MANBA: variants seen among roughly 807,000 people sequenced by gnomAD.
The protein encoded by MANBA is mannosidase beta.
Under a neutral mutation model 111.1 loss-of-function variants are expected in MANBA, and 83 were observed. That is an observed-to-expected ratio of 0.75 (90% CI 0.63 to 0.90). The LOEUF is 0.90. Ranked by LOEUF, MANBA falls within the 40% of genes least tolerant of loss-of-function variation. The pLI is 0.00. For synonymous variants in MANBA, 370 were observed against 378.7 expected (o/e 0.98, Z 0.27); for missense variants, 1,036 against 1,069.0 (o/e 0.97, Z 0.43).
In MANBA at chr4:102,639,871, A is replaced by G. The variant is rs761988168; in HGVS notation, c.1870-14T>C. 3 of 1,613,748 alleles carry G rather than the reference A, an allele frequency of 1.9e-6. No homozygotes were observed. Among genetic ancestry groups the G allele is most frequent in the Non-Finnish European group, 2.5e-6 (3 of 1,179,684 alleles). On this transcript the variant is annotated splice_polypyrimidine_tract_variant and intron_variant, in intron 13 of 16. Coordinates refer to ENST00000647097, the MANE Select transcript of MANBA (RefSeq NM_005908.4). ...GGCCTGCATCACCTGATTCAGGAAA[A>G]CATTCATACACAGGTGTTATTGTTT...
chr4:102,751,090 A>G (rs543669458), intron 1 of MANBA, among the ~76,000 whole-genome samples: 3 of 152,356 alleles, frequency 2.0e-5, no homozygotes, highest in African/African-American at 4.8e-5. Context: ...GTTTAACAAA[A>G]TTCACATAGA....
intron 12 of MANBA, among the ~76,000 whole-genome samples, chr4:102,656,626 A>G (rs1730568609): frequency 6.6e-6 from 1 of 152,228 alleles, no homozygotes. Context: ...AAACATGTAC[A>G]CAAATGTTCC....
chr4:102,717,411 G>A (rs1330628662), intron 4 of MANBA, among the ~76,000 whole-genome samples: 23 of 147,840 alleles, frequency 1.6e-4, no homozygotes, highest in African/African-American at 4.4e-4. Flanking sequence ...TATCCACTGT[G>A]AGCAGGCAGG....
At chr4:102,658,686 A>G (rs894322636) in intron 11 of MANBA, among the ~76,000 whole-genome samples, 22 of 152,212 alleles carry the variant, frequency 1.4e-4, no homozygotes, top group African/African-American at 4.8e-4. Flanking sequence ...ATATGGGGCC[A>G]TGTGCCTCAT....
intron 15 of MANBA, among the ~76,000 whole-genome samples, chr4:102,635,464 C>T (rs1729583903): frequency 6.6e-6 from 1 of 152,182 alleles, no homozygotes; most frequent in Non-Finnish European, 1.5e-5. Context: ...CATGCGCATT[C>T]TGAATAGTTT....
Position 102,729,702 on chromosome 4 carries a change from T to A in MANBA, c.178-3019A>T. 5 of 1,555,918 alleles carry A rather than the reference T, an allele frequency of 3.2e-6. No homozygotes were observed. In the South Asian group the frequency reaches 5.6e-5, roughly 17 times the overall value. Reference sequence around the variant, plus strand: ...AAGCTCCGCCTCCAGCTTCAGCTTCTCCTGGCCCAGAGTCTTCAGCTGCTG... The same window carrying A: ...AAGCTCCGCCTCCAGCTTCAGCTTCACCTGGCCCAGAGTCTTCAGCTGCTG... On this transcript the variant is annotated intron_variant, in intron 1 of 16. Coordinates refer to ENST00000647097, the MANE Select transcript of MANBA (RefSeq NM_005908.4).
chr4:102,750,271 A>C (rs547438997), intron 1 of MANBA, among the ~76,000 whole-genome samples: 1 of 152,230 alleles, frequency 6.6e-6, no homozygotes, highest in Admixed American at 6.5e-5. Context: ...AGATCATTTC[A>C]CATCATAAAA....
chr4:102,710,156 T>C (rs1183017159), intron 5 of MANBA, among the ~76,000 whole-genome samples: 3 of 151,986 alleles, frequency 2.0e-5, no homozygotes, highest in Non-Finnish European at 2.9e-5. Context: ...GGAAGTCCTA[T>C]CCAGGGCAAT....
chr4:102,719,434 C>A (rs183910965), intron 4 of MANBA, among the ~76,000 whole-genome samples: 1 of 152,142 alleles, frequency 6.6e-6, no homozygotes, highest in African/African-American at 2.4e-5. Context: ...ACACATTTTA[C>A]AATCAGATTT....
chr4:102,661,653 C>T lies in MANBA; in HGVS notation c.1485+3032G>A, dbSNP rs146542633. 6.1e-4 allele frequency among the ~76,000 whole-genome samples: 93 copies of T among 152,320 alleles called. 1 individual carries two copies. Among genetic ancestry groups the T allele is most frequent in the African/African-American group, 2.1e-3 (89 of 41,560 alleles). Reference sequence around the variant, plus strand: ...GAGAAATTTGGCACGCTGAGCCATGCAGTAAAATTACAAACAAGTCTCTAC... The same window carrying T: ...GAGAAATTTGGCACGCTGAGCCATGTAGTAAAATTACAAACAAGTCTCTAC... On this transcript the variant is annotated intron_variant, in intron 11 of 16. Coordinates refer to ENST00000647097, the MANE Select transcript of MANBA (RefSeq NM_005908.4).
intron 5 of MANBA, among the ~76,000 whole-genome samples, chr4:102,692,620 G>C (rs1732532995): frequency 6.6e-6 from 1 of 152,092 alleles, no homozygotes; most frequent in Non-Finnish European, 1.5e-5. Flanking sequence ...AGGTACAGGG[G>C]GTTAGAGTCA....
chr4:102,728,892 C>G, intron 1 of MANBA: 1 of 758,400 alleles, frequency 1.3e-6, no homozygotes, highest in Non-Finnish European at 2.3e-6. Flanking sequence ...GGGAGGCCCC[C>G]ACAGGCCGAG....
chr4:102,676,485 G>T (rs1163300662), intron 7 of MANBA, among the ~76,000 whole-genome samples: 3 of 151,944 alleles, frequency 2.0e-5, no homozygotes, highest in African/African-American at 7.3e-5. Context: ...TAGATGAAAA[G>T]TTAGTCGAGG....
At chr4:102,674,144 C>A (rs1038330389) in intron 7 of MANBA, 74 bp from the exon 8 acceptor site, 4 of 1,215,616 alleles carry the variant, frequency 3.3e-6, no homozygotes, top group South Asian at 1.3e-5. Context: ...AAAAAGCAGA[C>A]CTTTTTGAAA....
intron 12 of MANBA, among the ~76,000 whole-genome samples, chr4:102,654,228 C>A (rs228612): frequency 0.47 from 71,027 of 151,834 alleles, 16,922 homozygotes; most frequent in South Asian, 0.53. Flanking sequence ...TTCCTACCTG[C>A]GTCAGGATAC....
At chr4:102,755,715 C>G (rs1461132480) in intron 1 of MANBA, among the ~76,000 whole-genome samples, 2 of 152,184 alleles carry the variant, frequency 1.3e-5, no homozygotes, top group Non-Finnish European at 2.9e-5. Flanking sequence ...TTTTTACAAT[C>G]TATCCATCTG....
rs55880907 is a variant in MANBA at position 102,694,267 on chromosome 4, A to G, written c.674-3496T>C. On this transcript the variant is annotated intron_variant, in intron 5 of 16. Transcript: ENST00000647097. ...AGATCTACAAGCCTACAAAGTTATC[A>G]CCAGATATACTTAATAACATATTTT... 6.4e-3 allele frequency among the ~76,000 whole-genome samples: 980 copies of G among 152,270 alleles called. 12 individuals are homozygous for G. The highest frequency in any genetic ancestry group is 0.022 in the African/African-American group (923 of 41,542).
chr4:102,752,095 C>G lies in MANBA; in HGVS notation c.177+8623G>C, dbSNP rs551031828. 10 of 760,726 alleles carry G rather than the reference C, an allele frequency of 1.3e-5. No individual in the cohort carries two copies. The East Asian group carries it at 2.2e-4, about 17-fold the overall frequency. The allele number at this position is 760,726 out of a possible 1,614,324, so 47.1% of individuals were successfully genotyped here. A position where few individuals can be genotyped will look rare whatever the true frequency, so the allele number is the denominator to read the frequency against. ...AGATGAAATGGAGGAATCCACAAATCGACAGAGAACACAGAGCAGCTATGA... is the reference window on the plus strand; with the variant it reads ...AGATGAAATGGAGGAATCCACAAATGGACAGAGAACACAGAGCAGCTATGA... On this transcript the variant is annotated intron_variant, in intron 1 of 16. Transcript: ENST00000647097.
chr4:102,756,707 C>CA (rs772319265), intron 1 of MANBA, among the ~76,000 whole-genome samples: 11 of 141,618 alleles, frequency 7.8e-5, no homozygotes, highest in East Asian at 6.3e-4. Flanking sequence ...GAACAGCTGT[C>CA]AAAAAAAATA....
Sources: allele counts gnomAD v4.1 joint callset (sites outside exome capture counted in the v4.1 genomes callset), GRCh38; gene constraint gnomAD v4.1.1; transcripts MANE v1.5; gene names NCBI Gene and HGNC (gene_info 2026-07-23, HGNC 2026-07-21).